Variants in NFILZ observed in about 807,000 individuals in gnomAD.
NFILZ encodes NFIL3 like protein.
At chr19:8,630,858 G>A (rs1397932901) in intron 1 of NFILZ, 114 bp downstream of exon 1, 1 of 152,210 alleles carries the variant, frequency 6.6e-6, no homozygotes, top group Non-Finnish European at 1.5e-5. Flanking sequence ...CCCCACACAG[G>A]TCCGGTTGGA....
intron 3 of NFILZ, among the ~76,000 whole-genome samples, chr19:8,664,480 G>C (rs782455208): frequency 1.3e-5 from 2 of 152,156 alleles, no homozygotes; most frequent in African/African-American, 2.4e-5. Flanking sequence ...AGGAGGTGCC[G>C]GGGGAGGGGG....
At chr19:8,642,933 C>T (rs2042924740) in intron 3 of NFILZ, among the ~76,000 whole-genome samples, 1 of 144,056 alleles carries the variant, frequency 6.9e-6, no homozygotes, top group African/African-American at 2.6e-5. Flanking sequence ...TCGTCAGTTT[C>T]AACTTAAAGG....
intron 1 of NFILZ, among the ~76,000 whole-genome samples, chr19:8,631,830 T>TTATGTGTGTGTGTGTGTGTG (rs367777602): frequency 1.4e-4 from 21 of 145,898 alleles, no homozygotes; most frequent in African/African-American, 4.1e-4. Context: ...GTCCTCGCTT[T>TTATGTGTGTGTGTGTGTGTG]TGTGTGTGTG....
intron 3 of NFILZ, among the ~76,000 whole-genome samples, chr19:8,665,095 A>T (rs1356809007): frequency 6.6e-6 from 1 of 152,086 alleles, no homozygotes; most frequent in African/African-American, 2.4e-5. Context: ...TATTCAGGAG[A>T]TGTGTGGACA....
chr19:8,638,821 C>T (rs564680485), intron 3 of NFILZ, among the ~76,000 whole-genome samples: 2 of 150,268 alleles, frequency 1.3e-5, no homozygotes, highest in South Asian at 4.2e-4. Context: ...TGCAAAGGCC[C>T]TGAAGCAGGA....
chr19:8,634,989 A>C (rs928907142), intron 2 of NFILZ, among the ~76,000 whole-genome samples: 3 of 152,068 alleles, frequency 2.0e-5, no homozygotes, highest in Non-Finnish European at 2.9e-5. Context: ...CAAACCACAC[A>C]ACCCTATAAC....
chr19:8,660,794 T>G (rs1033531038), intron 3 of NFILZ, among the ~76,000 whole-genome samples: 4 of 151,516 alleles, frequency 2.6e-5, no homozygotes, highest in African/African-American at 9.7e-5. Flanking sequence ...CCCACCACCA[T>G]GCCTGGTTAA....
At chr19:8,654,726 C>T (rs1184257885) in intron 3 of NFILZ, among the ~76,000 whole-genome samples, 9 of 152,206 alleles carry the variant, frequency 5.9e-5, no homozygotes, top group Admixed American at 3.3e-4. Flanking sequence ...TTCCATACAG[C>T]GCCCACCAGG....
intron 3 of NFILZ, among the ~76,000 whole-genome samples, chr19:8,653,828 T>C (rs968999534): frequency 6.6e-6 from 1 of 151,900 alleles, no homozygotes; most frequent in African/African-American, 2.4e-5. Flanking sequence ...GTGGGAAAGG[T>C]TGGGAGGCGG....
intron 3 of NFILZ, among the ~76,000 whole-genome samples, chr19:8,661,919 G>T (rs1162961942): frequency 6.6e-6 from 1 of 152,078 alleles, no homozygotes. Flanking sequence ...AGTAAAATAG[G>T]CCAGGCGAGG....
At chr19:8,642,247 C>T (rs1182878623) in intron 3 of NFILZ, among the ~76,000 whole-genome samples, 1 of 151,930 alleles carries the variant, frequency 6.6e-6, no homozygotes, top group South Asian at 2.1e-4. Flanking sequence ...CCAAAGAACT[C>T]CTGCCACCTA....
At chr19:8,674,203 C>A (rs782101838) in intron 3 of NFILZ, among the ~76,000 whole-genome samples, 5 of 152,194 alleles carry the variant, frequency 3.3e-5, no homozygotes, top group African/African-American at 1.2e-4. Flanking sequence ...AGCACATGAG[C>A]AGATCACATG....
rs1260493943 is a variant in NFILZ, at chr19:8,677,952, ATCC to A, written c.*320_*322del. On this transcript the variant is annotated 3_prime_UTR_variant, in exon 6 of 6. Transcript: ENST00000691075. The stretch of plus-strand genomic sequence containing the variant: ...CCTATAGCCATCCATTCATCCATTC[ATCC>A]TCATTTATTCATCCATTCATTCATT... Among the ~76,000 whole-genome samples the A allele has an allele frequency of 1.5e-4, 23 of 151,340 alleles. No homozygotes were observed. Among genetic ancestry groups the A allele is most frequent in the Non-Finnish European group, 3.1e-4 (21 of 67,842 alleles).
intron 3 of NFILZ, among the ~76,000 whole-genome samples, chr19:8,656,102 G>C (rs1268940165): frequency 6.8e-6 from 1 of 146,228 alleles, no homozygotes; most frequent in Non-Finnish European, 1.5e-5. Context: ...GCCCAGGAAG[G>C]AGGAGGGAGC....
chr19:8,654,508 G>A (rs2042983543), intron 3 of NFILZ, among the ~76,000 whole-genome samples: 1 of 151,854 alleles, frequency 6.6e-6, no homozygotes. Flanking sequence ...CCAGCTACTA[G>A]GGAGGCTGAG....
chr19:8,651,072 A>C (rs1329301358), intron 3 of NFILZ, among the ~76,000 whole-genome samples: 1 of 152,220 alleles, frequency 6.6e-6, no homozygotes, highest in Non-Finnish European at 1.5e-5. Context: ...GTCCTGATAA[A>C]ATCAGGGTAA....
intron 3 of NFILZ, among the ~76,000 whole-genome samples, chr19:8,645,069 C>T (rs889263316): frequency 3.3e-5 from 5 of 149,622 alleles, no homozygotes; most frequent in Middle Eastern, 3.5e-3. Context: ...CATAAGCCAC[C>T]GCACCTGTCC....
chr19:8,639,649 G>C (rs1349249387), intron 3 of NFILZ, among the ~76,000 whole-genome samples: 2 of 151,942 alleles, frequency 1.3e-5, no homozygotes, highest in African/African-American at 4.8e-5. Context: ...TTTACCCTGG[G>C]ATGTGTTGAG....
chr19:8,666,441 G>A (rs1479163323), intron 3 of NFILZ, among the ~76,000 whole-genome samples: 1 of 151,776 alleles, frequency 6.6e-6, no homozygotes, highest in African/African-American at 2.4e-5. Context: ...CTCCCAAAGT[G>A]TGAGATGACA....
Sources: gnomAD v4.1 joint callset for allele counts (sites outside exome capture counted in the v4.1 genomes callset) on GRCh38, gnomAD v4.1.1 for gene constraint, MANE v1.5 for transcripts, NCBI Gene and HGNC (gene_info 2026-07-23, HGNC 2026-07-21) for gene names.